The following MSRA variants were observed in gnomAD, a reference collection of about 807,000 sequenced individuals.
MSRA encodes methionine sulfoxide reductase A.
MSRA carries 54 observed loss-of-function variants against 31.3 expected under a neutral mutation model. The observed-to-expected ratio is 1.73, with a 90% CI of 1.39 to 2.17. MSRA has a LOEUF of 2.17. Among genes scored for constraint, MSRA ranks in the 30% most tolerant of loss-of-function variants. The pLI, the probability that MSRA is intolerant of heterozygous loss-of-function variation, is 0.00. For synonymous variants in MSRA, 169 were observed against 116.5 expected (o/e 1.45, Z -2.90); for missense variants, 507 against 300.9 (o/e 1.69, Z -5.07).
chr8:10,187,415 T>G (rs1411424640), intron 1 of MSRA, among the ~76,000 whole-genome samples: 2 of 152,196 alleles, frequency 1.3e-5, no homozygotes, highest in East Asian at 3.9e-4. Flanking sequence ...CAAGCTACCT[T>G]CCACCACCAG....
chr8:10,138,716 C>G (rs763431613), intron 1 of MSRA, among the ~76,000 whole-genome samples: 13 of 152,192 alleles, frequency 8.5e-5, no homozygotes, highest in Non-Finnish European at 1.9e-4. Context: ...AGGTTGCTCG[C>G]TGTTGATTTA....
intron 3 of MSRA, among the ~76,000 whole-genome samples, chr8:10,299,583 C>G (rs1248395657): frequency 6.6e-6 from 1 of 151,820 alleles, no homozygotes; most frequent in Non-Finnish European, 1.5e-5. Flanking sequence ...AATAATAACC[C>G]AGTATAAAAG....
At chr8:10,246,407 T>C (rs1797625612) in intron 3 of MSRA, among the ~76,000 whole-genome samples, 1 of 152,198 alleles carries the variant, frequency 6.6e-6, no homozygotes, top group Admixed American at 6.5e-5. Flanking sequence ...GCATTTGAAA[T>C]GTTTTTCTAA....
At chr8:10,343,639 A>C (rs1173523839) in intron 5 of MSRA, among the ~76,000 whole-genome samples, 1 of 152,162 alleles carries the variant, frequency 6.6e-6, no homozygotes, top group South Asian at 2.1e-4. Flanking sequence ...AACAAATGTA[A>C]ATGTAGCGCT....
At chr8:10,254,532 A>T (rs908864125) in intron 3 of MSRA, among the ~76,000 whole-genome samples, 1 of 152,182 alleles carries the variant, frequency 6.6e-6, no homozygotes, top group Non-Finnish European at 1.5e-5. Flanking sequence ...TGCCATGACC[A>T]CTTTGTAATC....
chr8:10,096,307 C>G (rs1395702935), intron 1 of MSRA: 1 of 1,107,774 alleles, frequency 9.0e-7, no homozygotes, highest in East Asian at 5.0e-5. Context: ...GCTTGAAGGG[C>G]AAACAAGAAA....
chr8:10,154,187 G>A (rs1240775607), intron 1 of MSRA, among the ~76,000 whole-genome samples: 1 of 152,206 alleles, frequency 6.6e-6, no homozygotes, highest in Non-Finnish European at 1.5e-5. Flanking sequence ...GTCAAACGCA[G>A]TCACTGAATC....
At chr8:10,344,305 C>G (rs1374742569) in intron 5 of MSRA, among the ~76,000 whole-genome samples, 1 of 152,110 alleles carries the variant, frequency 6.6e-6, no homozygotes, top group South Asian at 2.1e-4. Context: ...GGCTGAATCC[C>G]TCCACCATCA....
At chr8:10,385,157 G>A (rs1322547419) in intron 5 of MSRA, among the ~76,000 whole-genome samples, 1 of 152,136 alleles carries the variant, frequency 6.6e-6, no homozygotes, top group Non-Finnish European at 1.5e-5. Flanking sequence ...AAATTATGGG[G>A]GAAACACCAG....
intron 5 of MSRA, among the ~76,000 whole-genome samples, chr8:10,426,504 T>C (rs760301771): frequency 1.3e-5 from 2 of 152,226 alleles, no homozygotes; most frequent in Non-Finnish European, 2.9e-5. Flanking sequence ...AGTCCTGCGC[T>C]CATCCTCACA....
intron 1 of MSRA, among the ~76,000 whole-genome samples, chr8:10,182,947 C>T (rs529495623): frequency 1.3e-5 from 2 of 152,160 alleles, no homozygotes; most frequent in African/African-American, 2.4e-5. Flanking sequence ...TCTGTTTTCC[C>T]CCTTTACATC....
In MSRA at chr8:10,428,461, A is replaced by G. The variant is rs982661855; in HGVS notation, c.*149A>G. ...TTGGGTTTACCGAAGTATAATCTAT[A>G]GGAGGCGCGATGGCAAGTTGATAAA... On this transcript the variant is annotated 3_prime_UTR_variant, in exon 6 of 6. Transcript: ENST00000317173. 2.5e-6 allele frequency: 2 copies of G among 809,284 alleles called. No homozygotes were observed. The highest frequency in any genetic ancestry group is 3.9e-6 in the Non-Finnish European group (2 of 518,076). The allele number at this position is 809,284 out of a possible 1,614,324, so 50.1% of individuals were successfully genotyped here. A position where few individuals can be genotyped will look rare whatever the true frequency, so the allele number is the denominator to read the frequency against.
At position 10,193,284 on chromosome 8, in the gene MSRA, G is replaced by A. The variant is rs527822088; in HGVS notation, c.143-14549G>A. Among the ~76,000 whole-genome samples the A allele has an allele frequency of 2.7e-4, 41 of 152,290 alleles. No homozygotes were observed. In the East Asian group the frequency reaches 3.7e-3, roughly 14 times the overall value. ...GGGCCTGCCTTAGACCCCATTCAGC[G>A]CATGGCTTTATGGAGGCCTATGGCC... On this transcript the variant is annotated intron_variant, in intron 1 of 5. Transcript: ENST00000317173.
chr8:10,422,854 C>T (rs1449704461), intron 5 of MSRA, among the ~76,000 whole-genome samples: 2 of 152,196 alleles, frequency 1.3e-5, no homozygotes, highest in African/African-American at 4.8e-5. Context: ...CCAATCTAGG[C>T]AGTTACTTCA....
intron 5 of MSRA, among the ~76,000 whole-genome samples, chr8:10,387,995 C>T (rs913819603): frequency 3.3e-5 from 5 of 152,158 alleles, no homozygotes; most frequent in South Asian, 2.1e-4. Context: ...CATAGTAGTA[C>T]AGGGGAGGGG....
intron 1 of MSRA, among the ~76,000 whole-genome samples, chr8:10,081,661 T>A (rs1738672720): frequency 6.6e-6 from 1 of 152,086 alleles, no homozygotes. Flanking sequence ...GACAAATCTT[T>A]GTATTTTTAG....
intron 1 of MSRA, among the ~76,000 whole-genome samples, chr8:10,185,168 G>T (rs146165797): frequency 1.3e-5 from 2 of 152,238 alleles, no homozygotes; most frequent in East Asian, 1.9e-4. Context: ...TGCCCTTAGC[G>T]AATGCGAATC....
chr8:10,069,126 AC>A (rs1422917526), intron 1 of MSRA, among the ~76,000 whole-genome samples: 1 of 152,128 alleles, frequency 6.6e-6, no homozygotes, highest in Non-Finnish European at 1.5e-5. Flanking sequence ...TAATCTTGTA[AC>A]CTGCACCCTT....
chr8:10,367,171 G>C (rs540173049), intron 5 of MSRA, among the ~76,000 whole-genome samples: 1 of 152,216 alleles, frequency 6.6e-6, no homozygotes, highest in South Asian at 2.1e-4. Flanking sequence ...GATCCACGCT[G>C]TCTACACTGC....
Sources: allele counts gnomAD v4.1 joint callset (sites outside exome capture counted in the v4.1 genomes callset), GRCh38; gene constraint gnomAD v4.1.1; transcripts MANE v1.5; gene names NCBI Gene and HGNC (gene_info 2026-07-23, HGNC 2026-07-21).